Variants in RASEF observed in about 807,000 individuals in gnomAD.
The protein encoded by RASEF is RAS and EF-hand domain containing, also known as ras and EF-hand domain-containing protein.
Under a neutral mutation model 90.1 loss-of-function variants are expected in RASEF, and 68 were observed. The observed-to-expected ratio is 0.75, with a 90% confidence interval of 0.62 to 0.92. RASEF has a LOEUF of 0.92. Ranked by LOEUF, RASEF falls within the 40% of genes least tolerant of loss-of-function variation. RASEF has a pLI of 0.00. For missense variants in RASEF, 949 were observed against 937.2 expected (o/e 1.01, Z -0.16); for synonymous variants, 331 against 345.2 (o/e 0.96, Z 0.46).
chr9:83,127,115 G>A, the RASEF span, among the ~76,000 whole-genome samples: 1 of 152,076 alleles, frequency 6.6e-6, no homozygotes, highest in Admixed American at 6.5e-5. Flanking sequence ...TAATATATGG[G>A]CATCTTTAAT....
At chr9:83,208,224 C>T in the RASEF span, among the ~76,000 whole-genome samples, 1 of 152,136 alleles carries the variant, frequency 6.6e-6, no homozygotes, top group East Asian at 1.9e-4. Context: ...GAACTCTGCC[C>T]TGACATCCTC....
the RASEF span, among the ~76,000 whole-genome samples, chr9:83,185,718 C>T: frequency 6.6e-6 from 1 of 152,116 alleles, no homozygotes; most frequent in African/African-American, 2.4e-5. Context: ...TCTGAGGGGA[C>T]TCTCTAAGGC....
rs1830241596 is a variant in RASEF, at chr9:83,062,855, C to T, written c.13G>A (p.Gly5Arg). ...AGCCGGGCCAGCTCCTCTCCGTCCC[C>T]ATCCGCCTCCATCCCGCCTGGCGGG... MEAD[G>R]DGEELARLRS... The change falls in exon 1 of 17, where the codon GGG becomes AGG. Residue 5 changes from glycine (G) to arginine (R), a missense_variant. Physicochemically the swap from Gly to Arg is moderately radical, Grantham distance 125. This residue lies in a region of RASEF where 656 missense variants were observed against 592.2 expected (regional missense o/e 1.11). Transcript: ENST00000376447. The T allele has an allele frequency of 1.4e-5, 21 of 1,514,826 alleles. No homozygotes were observed. The highest frequency in any genetic ancestry group is 1.8e-5 in the Non-Finnish European group (21 of 1,142,100). The allele number at this position is 1,514,826 out of a possible 1,614,324, so 93.8% of individuals were successfully genotyped here.
intron 1 of RASEF, among the ~76,000 whole-genome samples, chr9:83,032,502 TG>T (rs368874418): frequency 1.2e-3 from 180 of 152,338 alleles, no homozygotes; most frequent in Non-Finnish European, 2.0e-3. Context: ...GCATCTGTGC[TG>T]AGAGAGCAAC....
chr9:83,005,387 G>A, intron 8 of RASEF, 29 bp downstream of exon 8: 3 of 1,500,546 alleles, frequency 2.0e-6, no homozygotes, highest in Non-Finnish European at 1.9e-6. Context: ...TAGAAAGAAT[G>A]AAATACATGG....
the RASEF span, among the ~76,000 whole-genome samples, chr9:83,157,772 AC>A: frequency 6.6e-6 from 1 of 152,224 alleles, no homozygotes; most frequent in Admixed American, 6.5e-5. Flanking sequence ...TTTGATAAAA[AC>A]TTGGGCACTG....
the RASEF span, among the ~76,000 whole-genome samples, chr9:83,142,524 A>G: frequency 2.0e-5 from 3 of 152,272 alleles, no homozygotes; most frequent in Admixed American, 2.0e-4. Flanking sequence ...AACTATCTTC[A>G]GTGACAGGCA....
At chr9:83,054,563 T>A (rs1043728572) in intron 1 of RASEF, 4 of 149,614 alleles carry the variant, frequency 2.7e-5, no homozygotes, top group Non-Finnish European at 5.9e-5. Context: ...TCATTTTCCA[T>A]CCAGCTTTGT....
chr9:83,147,104 C>A, the RASEF span, among the ~76,000 whole-genome samples: 1 of 149,404 alleles, frequency 6.7e-6, no homozygotes, highest in South Asian at 2.1e-4. Context: ...TATTGGTAAA[C>A]CCGGATTAGA....
At chr9:83,085,855 G>A in the RASEF span, among the ~76,000 whole-genome samples, 1 of 152,120 alleles carries the variant, frequency 6.6e-6, no homozygotes, top group African/African-American at 2.4e-5. Context: ...AATCCGAGAA[G>A]TGGAGGTTGC....
chr9:83,039,743 TTGTTTTCAA>T (rs1829805536), intron 1 of RASEF, among the ~76,000 whole-genome samples: 1 of 152,186 alleles, frequency 6.6e-6, no homozygotes, highest in Admixed American at 6.5e-5. Flanking sequence ...TCCTTTCACA[TTGTTTTCAA>T]TGGGGATGCG....
At chr9:83,123,036 C>T in the RASEF span, among the ~76,000 whole-genome samples, 6 of 152,052 alleles carry the variant, frequency 3.9e-5, no homozygotes, top group African/African-American at 9.7e-5. Context: ...GTCAGGAGTT[C>T]GAGATCAGCC....
At chr9:83,057,553 CAG>C (rs1028075162) in intron 1 of RASEF, among the ~76,000 whole-genome samples, 13 of 152,104 alleles carry the variant, frequency 8.5e-5, no homozygotes, top group African/African-American at 3.1e-4. Flanking sequence ...AACAGAGACA[CAG>C]ATGTTAGGAT....
chr9:83,132,077 C>A, the RASEF span, among the ~76,000 whole-genome samples: 3 of 152,190 alleles, frequency 2.0e-5, no homozygotes, highest in Non-Finnish European at 4.4e-5. Flanking sequence ...ACTTCCTCAA[C>A]AAGATGTAGA....
chr9:83,000,468 A>T lies in RASEF; in HGVS notation c.1540T>A (p.Ser514Thr). The change falls in exon 11 of 17, where the codon TCA becomes ACA. Residue 514 changes from serine (S) to threonine (T), a missense_variant. Ser to Thr is a moderately conservative substitution (Grantham distance 58, BLOSUM62 1). Coordinates refer to ENST00000376447, the MANE Select transcript of RASEF (RefSeq NM_152573.4). ...GSVSEGSIVS[S>T]SRKPISALSP... ...AGTGCTGAGATGGGCTTTCTTGATG[A>T]ACTAACAATGCTGCCTTCACTAACA... 1 of 1,614,130 alleles carries T rather than the reference A, an allele frequency of 6.2e-7. No individual in the cohort carries two copies. Among genetic ancestry groups the T allele is most frequent in the Non-Finnish European group, 8.5e-7 (1 of 1,179,992 alleles).
chr9:83,067,660 A>G (rs1830293018), upstream of RASEF, among the ~76,000 whole-genome samples: 1 of 152,182 alleles, frequency 6.6e-6, no homozygotes, highest in Non-Finnish European at 1.5e-5. Flanking sequence ...AGTATCTGTA[A>G]TGTTTCAAAC....
the RASEF span, among the ~76,000 whole-genome samples, chr9:83,160,519 A>C: frequency 6.6e-6 from 1 of 152,182 alleles, no homozygotes; most frequent in Non-Finnish European, 1.5e-5. Flanking sequence ...TGGCTTGGGC[A>C]CCGATAAAGG....
At chr9:83,001,804 G>A (rs1477095808) in intron 9 of RASEF, among the ~76,000 whole-genome samples, 1 of 152,102 alleles carries the variant, frequency 6.6e-6, no homozygotes, top group Non-Finnish European at 1.5e-5. Flanking sequence ...ATAAAAATAA[G>A]CAATTAGAAA....
the RASEF span, among the ~76,000 whole-genome samples, chr9:83,116,695 C>T: frequency 2.6e-5 from 4 of 152,138 alleles, no homozygotes; most frequent in Non-Finnish European, 5.9e-5. Flanking sequence ...ATCTGAGGCT[C>T]AGAAAATACA....
Sources: allele counts gnomAD v4.1 joint callset (sites outside exome capture counted in the v4.1 genomes callset), GRCh38; gene constraint gnomAD v4.1.1; regional missense constraint gnomAD v4.1.1; transcripts MANE v1.5; gene names NCBI Gene and HGNC (gene_info 2026-07-23, HGNC 2026-07-21).